The following NUDCD1 variants were observed in gnomAD, a reference collection of about 807,000 sequenced individuals.
The protein encoded by NUDCD1 is nudC domain-containing protein 1.
Under a neutral mutation model 67.8 loss-of-function variants are expected in NUDCD1, and 60 were observed. The ratio of observed to expected loss-of-function variants is 0.88; its 90% CI spans 0.72 to 1.10. The LOEUF (loss-of-function observed/expected upper bound fraction) is 1.10, where lower values mean the gene tolerates loss of function less well. NUDCD1 is among the 50% of genes least tolerant of loss of function. The pLI, the probability that NUDCD1 is intolerant of heterozygous loss-of-function variation, is 0.00. For missense variants in NUDCD1, 643 were observed against 695.0 expected (o/e 0.93, Z 0.84); for synonymous variants, 244 against 230.8 (o/e 1.06, Z -0.52).
intron 7 of NUDCD1, among the ~76,000 whole-genome samples, chr8:109,273,094 C>T (rs1198358698): frequency 1.3e-5 from 2 of 152,144 alleles, no homozygotes; most frequent in Non-Finnish European, 2.9e-5. Context: ...GTCAAACATG[C>T]TATACTGCTT....
chr8:109,260,633 CA>C (rs1016397831), intron 8 of NUDCD1, among the ~76,000 whole-genome samples: 1 of 152,204 alleles, frequency 6.6e-6, no homozygotes, highest in African/African-American at 2.4e-5. Context: ...TCTCAGATAT[CA>C]ATTCATAACC....
chr8:109,311,559 G>GTA lies in NUDCD1; in HGVS notation c.273+10748_273+10749dup, dbSNP rs1554617136. 1.7e-3 allele frequency among the ~76,000 whole-genome samples: 207 copies of GTA among 125,122 alleles called. 20 individuals are homozygous for GTA. The highest frequency in any genetic ancestry group is 9.8e-4 in the Non-Finnish European group (59 of 60,152). The allele number at this position is 125,122 out of a possible 152,430, so 82.1% of individuals were successfully genotyped here. The stretch of plus-strand genomic sequence containing the variant: ...AATGAGTGGATAAAGAAACTGTGGT[G>GTA]TATATATATATATGATGGGATACTG... On this transcript the variant is annotated intron_variant, in intron 2 of 9. Coordinates refer to ENST00000239690, the MANE Select transcript of NUDCD1 (RefSeq NM_032869.4).
intron 4 of NUDCD1, among the ~76,000 whole-genome samples, chr8:109,291,776 C>T (rs1454298975): frequency 1.3e-5 from 2 of 152,030 alleles, no homozygotes; most frequent in Non-Finnish European, 2.9e-5. Flanking sequence ...GAAACGAAGA[C>T]AAACGGGATG....
intron 8 of NUDCD1, among the ~76,000 whole-genome samples, chr8:109,260,167 TG>T (rs1391302865): frequency 1.3e-5 from 2 of 152,258 alleles, no homozygotes; most frequent in Admixed American, 1.3e-4. Flanking sequence ...GCAACAATTA[TG>T]ACCCAAAATC....
chr8:109,312,617 G>T (rs936033952), intron 2 of NUDCD1, among the ~76,000 whole-genome samples: 1 of 152,064 alleles, frequency 6.6e-6, no homozygotes, highest in South Asian at 2.1e-4. Flanking sequence ...TTTTAATAAC[G>T]AAAAGGAAAA....
Position 109,281,159 on chromosome 8 carries a change from G to A in NUDCD1, c.837C>T (p.Tyr279=). 6.2e-7 allele frequency: 1 copy of A among 1,610,680 alleles called. No homozygotes were observed. The highest frequency in any genetic ancestry group is 8.5e-7 in the Non-Finnish European group (1 of 1,177,546). The change falls in exon 6 of 10, where the codon TAC becomes TAT. Residue 279 remains tyrosine (Y), a synonymous_variant. Coordinates refer to ENST00000239690, the MANE Select transcript of NUDCD1 (RefSeq NM_032869.4). ...ISEKIKEPLY[Y]WQQTEDDLTV... is the part of the protein sequence containing the mutation. ...TCAAATCATCTTCAGTCTGTTGCCA[G>A]TAATACAGAGGTTCTATTGGGAAAA...
Position 109,241,325 on chromosome 8 carries a change from T to C in NUDCD1, c.*1684A>G, listed in dbSNP as rs2129835290. On this transcript the variant is annotated 3_prime_UTR_variant, in exon 10 of 10. Coordinates refer to ENST00000239690, the MANE Select transcript of NUDCD1 (RefSeq NM_032869.4). ...TTTTTATTATACATTTTTCTTATGT[T>C]CCCTAAGAGGATATTATCTTTGGGG... 1 of 152,286 alleles carries C rather than the reference T, an allele frequency of 6.6e-6. No individual in the cohort carries two copies. Among genetic ancestry groups the C allele is most frequent in the Non-Finnish European group, 1.5e-5 (1 of 68,026 alleles). 9.4% of individuals were successfully genotyped at this position (152,286 alleles called of 1,614,324 possible). A position where few individuals can be genotyped will look rare whatever the true frequency, so the allele number is the denominator to read the frequency against.
At chr8:109,255,704 G>A (rs899965296) in intron 8 of NUDCD1, among the ~76,000 whole-genome samples, 4 of 150,056 alleles carry the variant, frequency 2.7e-5, no homozygotes, top group Non-Finnish European at 1.5e-5. Context: ...AAAAAAGCAC[G>A]TGAGAAGATG....
rs1296685845 is a variant in NUDCD1, at chr8:109,310,308, C to T, written c.273+12001G>A. 3.9e-5 allele frequency among the ~76,000 whole-genome samples: 6 copies of T among 152,062 alleles called. No homozygotes were observed. In the East Asian group the frequency reaches 9.6e-4, roughly 24 times the overall value. ...TGGAAAAAAAAAGAGAATCCATAAA[C>T]AAACCCAAATACTTACAGCCAACTA... On this transcript the variant is annotated intron_variant, in intron 2 of 9. Transcript: ENST00000239690.
chr8:109,283,815 A>G (rs1814510312), intron 5 of NUDCD1, among the ~76,000 whole-genome samples: 1 of 152,156 alleles, frequency 6.6e-6, no homozygotes, highest in African/African-American at 2.4e-5. Flanking sequence ...AGTATCTGCT[A>G]CCACAAAAAC....
At chr8:109,316,149 A>G (rs1268605365) in intron 2 of NUDCD1, 1 of 152,242 alleles carries the variant, frequency 6.6e-6, no homozygotes, top group Non-Finnish European at 1.5e-5. Flanking sequence ...AAAATAAGCC[A>G]TAATATATAA....
intron 1 of NUDCD1, among the ~76,000 whole-genome samples, chr8:109,329,308 A>G (rs925405380): frequency 1.3e-5 from 2 of 152,170 alleles, no homozygotes; most frequent in Non-Finnish European, 2.9e-5. Flanking sequence ...GTTGGAAGAA[A>G]TAATAGCCAA....
Position 109,296,380 on chromosome 8 carries a change from T to C in NUDCD1, c.459+4A>G. The C allele has an allele frequency of 1.2e-6, 2 of 1,611,852 alleles. No homozygotes were observed. The highest frequency in any genetic ancestry group is 1.7e-6 in the Non-Finnish European group (2 of 1,178,210). ...CTTCGCATAAGTCTTAAACAAACCC[T>C]CACCTCCCATTTTTCAGAAGCGCTA... is the stretch of plus-strand genomic sequence containing the variant. On this transcript the variant is annotated splice_donor_region_variant and intron_variant, in intron 3 of 9. Coordinates refer to ENST00000239690, the MANE Select transcript of NUDCD1 (RefSeq NM_032869.4).
chr8:109,260,245 G>A (rs1813833170), intron 8 of NUDCD1, among the ~76,000 whole-genome samples: 1 of 152,210 alleles, frequency 6.6e-6, no homozygotes, highest in African/African-American at 2.4e-5. Context: ...TGCCTAGGCT[G>A]GAGTGTAGGC....
At chr8:109,333,765 T>G in intron 1 of NUDCD1, 128 bp downstream of exon 1, 1 of 980,726 alleles carries the variant, frequency 1.0e-6, no homozygotes, top group Non-Finnish European at 1.5e-6. Context: ...GCGGCCTCCG[T>G]GAGTCCACGC....
Position 109,296,547 on chromosome 8 carries a change from C to T in NUDCD1, c.296G>A (p.Arg99Gln), listed in dbSNP as rs11550168. The T allele has an allele frequency of 3.9e-3, 6,350 of 1,607,820 alleles. 213 individuals carry two copies. The African/African-American group carries it at 0.073, about 19-fold the overall frequency. ...ATCTGTAGGAAGTCGAAACACCTCT[C>T]GTGGTTTTCCTAAGGCAGTGTCCTA... Reference protein sequence around the residue: ...VMLDTALGKPREVFRLPTDLT... With the variant: ...VMLDTALGKPQEVFRLPTDLT... Residue 99 changes from arginine (R) to glutamine (Q), a missense_variant, in exon 3 of 10, where the codon CGA becomes CAA. Coordinates refer to ENST00000239690, the MANE Select transcript of NUDCD1 (RefSeq NM_032869.4).
At chr8:109,243,358 A>T (rs1174120504) in intron 9 of NUDCD1, 57 bp from the exon 10 acceptor site, 1 of 1,355,440 alleles carries the variant, frequency 7.4e-7, no homozygotes, top group Non-Finnish European at 1.0e-6. Context: ...GAAGGGGAAA[A>T]ATGATGATTT....
chr8:109,259,324 T>C (rs76069606), intron 8 of NUDCD1, among the ~76,000 whole-genome samples: 3,709 of 152,348 alleles, frequency 0.024, 142 homozygotes, highest in African/African-American at 0.084. Context: ...GGGTTAATGC[T>C]ATTGCTGTCA....
chr8:109,270,339 A>G (rs1007840042), intron 8 of NUDCD1, among the ~76,000 whole-genome samples: 7 of 152,140 alleles, frequency 4.6e-5, no homozygotes, highest in African/African-American at 1.7e-4. Context: ...TAAAAAAAAA[A>G]AAGATTGGCA....
Sources: allele counts gnomAD v4.1 joint callset (sites outside exome capture counted in the v4.1 genomes callset), GRCh38; gene constraint gnomAD v4.1.1; transcripts MANE v1.5; gene names NCBI Gene and HGNC (gene_info 2026-07-23, HGNC 2026-07-21).